PKHD1L1: variants seen among roughly 807,000 people sequenced by gnomAD.
PKHD1L1 encodes fibrocystin-L.
Under a neutral mutation model 462.9 loss-of-function variants are expected in PKHD1L1, and 434 were observed. The ratio of observed to expected loss-of-function variants is 0.94; its 90% CI spans 0.87 to 1.02. PKHD1L1 has a LOEUF of 1.02. PKHD1L1 is among the 50% of genes least tolerant of loss of function. The pLI, the probability that PKHD1L1 is intolerant of heterozygous loss-of-function variation, is 0.00. For synonymous variants in PKHD1L1, 1,781 were observed against 1,750.0 expected, an observed-to-expected ratio of 1.02 and a Z score of -0.44; for missense variants, 5,202 against 5,096.1, an observed-to-expected ratio of 1.02 and a Z score of -0.63.
chr8:109,429,527 G>A lies in PKHD1L1; in HGVS notation c.3123+65G>A, dbSNP rs930247644. 3.1e-5 allele frequency: 45 copies of A among 1,447,388 alleles called. No homozygotes were observed. The Admixed American group carries it at 9.9e-4, about 32-fold the overall frequency. 89.7% of individuals were successfully genotyped at this position (1,447,388 alleles called of 1,614,324 possible). A position where few individuals can be genotyped will look rare whatever the true frequency, so the allele number is the denominator to read the frequency against. ...TAATAGTATAACTAGTTTGTAATAT[G>A]TTAAAGACCTGGTGAAACAGGAGGT... On this transcript the variant is annotated intron_variant, in intron 26 of 77. Transcript: ENST00000378402.
At chr8:109,413,786 C>G (rs562443165) in intron 21 of PKHD1L1, among the ~76,000 whole-genome samples, 1 of 151,972 alleles carries the variant, frequency 6.6e-6, no homozygotes, top group East Asian at 1.9e-4. Context: ...GACATAGTCA[C>G]CCATAACCAT....
chr8:109,384,229 C>A (rs1315934088), intron 5 of PKHD1L1, 102 bp downstream of exon 5: 3 of 932,916 alleles, frequency 3.2e-6, no homozygotes, highest in Non-Finnish European at 5.0e-6. Context: ...TTTTAAATAG[C>A]ATTTTTTTCA....
At chr8:109,413,338 A>G in intron 20 of PKHD1L1, 83 bp from the exon 21 acceptor site, 1 of 968,450 alleles carries the variant, frequency 1.0e-6, no homozygotes, top group Non-Finnish European at 1.4e-6. Context: ...ATAAATATTT[A>G]TTGACTTTGA....
chr8:109,524,387 C>T lies in PKHD1L1; in HGVS notation c.12484+1001C>T, dbSNP rs537962955. On this transcript the variant is annotated intron_variant, in intron 76 of 77. Transcript: ENST00000378402. ...AATAATTAAATGATAATGTGTCCCA[C>T]TGCTTTCTGGTTTAGAACAGAGCTA... Among the ~76,000 whole-genome samples the T allele has an allele frequency of 5.3e-5, 8 of 152,332 alleles. 1 individual carries two copies. In the South Asian group the frequency reaches 1.7e-3, roughly 32 times the overall value.
In PKHD1L1 at chr8:109,454,147, CA is replaced by C; in HGVS notation, c.6665-16del. 6.4e-7 allele frequency: 1 copy of C among 1,554,524 alleles called. No individual in the cohort carries two copies. The highest frequency in any genetic ancestry group is 8.8e-7 in the Non-Finnish European group (1 of 1,142,106). On this transcript the variant is annotated intron_variant, in intron 43 of 77. Transcript: ENST00000378402. ...CAAGATTTTTCCTTGTGATGTATTT[CA>C]AAATTGTATGATTCATAGGTGGGAC...
At chr8:109,512,476 T>C (rs7387241) in intron 71 of PKHD1L1, among the ~76,000 whole-genome samples, 26,466 of 152,098 alleles carry the variant, frequency 0.17, 2,628 homozygotes, top group East Asian at 0.33. Context: ...TGCTTGTTTT[T>C]CTCGGGTTTG....
intron 59 of PKHD1L1, among the ~76,000 whole-genome samples, chr8:109,488,226 T>C (rs997162550): frequency 6.6e-6 from 1 of 151,958 alleles, no homozygotes; most frequent in African/African-American, 2.4e-5. Context: ...CAAGATAATG[T>C]GTTGGTTCCC....
intron 1 of PKHD1L1, 68 bp downstream of exon 1, chr8:109,362,721 G>A: frequency 1.3e-6 from 2 of 1,514,578 alleles, no homozygotes; most frequent in Non-Finnish European, 1.8e-6. Context: ...CTGCTCCCGG[G>A]GTCCTGGGAG....
In PKHD1L1 at chr8:109,420,596, C is replaced by T. The variant is rs1260109040; in HGVS notation, c.2603C>T (p.Thr868Ile). The T allele has an allele frequency of 1.2e-6, 2 of 1,609,768 alleles. No individual in the cohort carries two copies. The highest frequency in any genetic ancestry group is 3.4e-5 in the Admixed American group (2 of 59,534). ...CACTTTCAGGTGAATCAGACCAAAA[C>T]AAATGGGCCAACTATGACAAACCAA... Reference protein sequence around the residue: ...LEHFQVNQTKTNGPTMTNQYS... With the variant: ...LEHFQVNQTKINGPTMTNQYS... Residue 868 changes from threonine to isoleucine, a missense_variant, in exon 23 of 78, where the codon ACA (threonine) becomes ATA (isoleucine). Coordinates refer to ENST00000378402, the MANE Select transcript of PKHD1L1 (RefSeq NM_177531.6).
chr8:109,366,794 G>A (rs150508404), intron 2 of PKHD1L1, among the ~76,000 whole-genome samples: 1 of 150,564 alleles, frequency 6.6e-6, no homozygotes, highest in African/African-American at 2.4e-5. Flanking sequence ...CCAAGTTCAA[G>A]CAATTGTCCT....
In PKHD1L1 at chr8:109,483,983, T is replaced by C. The variant is rs190121792; in HGVS notation, c.9576+878T>C. On this transcript the variant is annotated intron_variant, in intron 57 of 77. Coordinates refer to ENST00000378402, the MANE Select transcript of PKHD1L1 (RefSeq NM_177531.6). Reference sequence around the variant, plus strand: ...TTAATGCCAAGAAAAATTAGAGAAATGGATGGATTTCATCTCCAAGCTCTC... The same window carrying C: ...TTAATGCCAAGAAAAATTAGAGAAACGGATGGATTTCATCTCCAAGCTCTC... 7.2e-3 allele frequency among the ~76,000 whole-genome samples: 1,098 copies of C among 151,884 alleles called. 11 individuals are homozygous for C. Among genetic ancestry groups the C allele is most frequent in the Non-Finnish European group, 0.013 (869 of 67,830 alleles).
intron 73 of PKHD1L1, among the ~76,000 whole-genome samples, chr8:109,520,000 C>T (rs746408346): frequency 3.9e-5 from 6 of 152,108 alleles, no homozygotes; most frequent in Non-Finnish European, 5.9e-5. Context: ...GGCATTGACC[C>T]TATGCACCTA....
In PKHD1L1 at chr8:109,435,342, G is replaced by A. The variant is rs200148174; in HGVS notation, c.3493G>A (p.Gly1165Arg). The A allele has an allele frequency of 8.1e-6, 13 of 1,611,608 alleles. No individual in the cohort carries two copies. In the Admixed American group the frequency reaches 1.8e-4, roughly 23 times the overall value. Residue 1165 changes from glycine to arginine, a missense_variant, in exon 29 of 78, where the codon GGA (glycine) becomes AGA (arginine). Coordinates refer to ENST00000378402, the MANE Select transcript of PKHD1L1 (RefSeq NM_177531.6). ...GATCTCACATATCTGGCCTGATTCT[G>A]GAAGCATAGCAGGTAATGGTTAATA... ...SQISHIWPDS[G>R]SIAGGTLLTL...
At chr8:109,463,410 G>C (rs776893010) in intron 48 of PKHD1L1, among the ~76,000 whole-genome samples, 2 of 140,638 alleles carry the variant, frequency 1.4e-5, no homozygotes, top group African/African-American at 2.6e-5. Flanking sequence ...TATGTTACAT[G>C]TGACATCTCA....
chr8:109,498,870 G>A, intron 67 of PKHD1L1, 99 bp downstream of exon 67: 1 of 1,122,474 alleles, frequency 8.9e-7, no homozygotes, highest in Non-Finnish European at 1.3e-6. Flanking sequence ...AATGATTTAA[G>A]TGAATTTTTA....
At chr8:109,507,947 AAT>A in intron 69 of PKHD1L1, 52 bp downstream of exon 69, 1 of 1,576,564 alleles carries the variant, frequency 6.3e-7, no homozygotes, top group Non-Finnish European at 8.7e-7. Flanking sequence ...CATGAAACAA[AAT>A]ATGTTTTATT....
At chr8:109,514,961 A>G (rs934948220) in intron 71 of PKHD1L1, among the ~76,000 whole-genome samples, 2 of 152,130 alleles carry the variant, frequency 1.3e-5, no homozygotes, top group Non-Finnish European at 2.9e-5. Context: ...TTTTCTACTA[A>G]GAATAGTCAA....
At chr8:109,483,928 T>C (rs1947562) in intron 57 of PKHD1L1, among the ~76,000 whole-genome samples, 4,638 of 151,840 alleles carry the variant, frequency 0.031, 224 homozygotes, top group African/African-American at 0.11. Flanking sequence ...GCACAAGCCA[T>C]AGAGTCCACA....
rs1404583540 is a variant in PKHD1L1, at chr8:109,443,802, T to C, written c.4691T>C (p.Phe1564Ser). Residue 1564 changes from phenylalanine to serine, a missense_variant, in exon 37 of 78, where the codon TTT (phenylalanine) becomes TCT (serine). By Grantham distance (155) the Phe-to-Ser change is radical. Coordinates refer to ENST00000378402, the MANE Select transcript of PKHD1L1 (RefSeq NM_177531.6). ...KRLLFEVSSC[F>S]SPSISNITPS... Reference sequence around the variant, plus strand: ...TTGCTATTTGAGGTTTCAAGTTGTTTTTCACCATCTATAAGCAACATTACT... The same window carrying C: ...TTGCTATTTGAGGTTTCAAGTTGTTCTTCACCATCTATAAGCAACATTACT... The C allele has an allele frequency of 6.2e-7, 1 of 1,613,852 alleles. No homozygotes were observed. The highest frequency in any genetic ancestry group is 1.7e-5 in the Admixed American group (1 of 60,008).
Sources: allele counts gnomAD v4.1 joint callset (sites outside exome capture counted in the v4.1 genomes callset), GRCh38; gene constraint gnomAD v4.1.1; transcripts MANE v1.5; gene names NCBI Gene and HGNC (gene_info 2026-07-23, HGNC 2026-07-21).